The following CRYBG1 variants were observed in gnomAD, a reference collection of about 807,000 sequenced individuals.
The protein encoded by CRYBG1 is crystallin beta-gamma domain containing 1.
In CRYBG1, 139 loss-of-function variants were observed where a neutral mutation model predicts 189.2. The observed-to-expected ratio is 0.73, with a 90% CI of 0.64 to 0.85. CRYBG1 has a LOEUF of 0.85. CRYBG1 is among the 40% of genes least tolerant of loss of function. The probability of loss-of-function intolerance (pLI) is 0.00; values close to 1 mark genes in which losing one functional copy is unlikely to be tolerated. For missense variants in CRYBG1, 2,611 were observed against 2,675.8 expected (o/e 0.98, Z 0.53); for synonymous variants, 1,023 against 1,017.1 (o/e 1.01, Z -0.11).
chr6:106,561,562 A>T, intron 20 of CRYBG1, 62 bp downstream of exon 20: 1 of 1,536,438 alleles, frequency 6.5e-7, no homozygotes, highest in Non-Finnish European at 8.8e-7. Flanking sequence ...TCATCCTTTC[A>T]TATGCTTTTG....
chr6:106,457,538 A>G (rs1045856828), intron 2 of CRYBG1, among the ~76,000 whole-genome samples: 16 of 152,330 alleles, frequency 1.1e-4, no homozygotes, highest in Admixed American at 4.6e-4. Flanking sequence ...GAACTTCTCC[A>G]TAGTGACTTA....
At chr6:106,533,375 T>C (rs1320580508) in intron 8 of CRYBG1, among the ~76,000 whole-genome samples, 1 of 152,240 alleles carries the variant, frequency 6.6e-6, no homozygotes, top group Non-Finnish European at 1.5e-5. Flanking sequence ...ATCTGGCCTT[T>C]CACGCCTTGG....
chr6:106,553,780 T>C (rs1260230120), intron 16 of CRYBG1, among the ~76,000 whole-genome samples: 1 of 152,178 alleles, frequency 6.6e-6, no homozygotes, highest in Non-Finnish European at 1.5e-5. Flanking sequence ...CATTGTGTAA[T>C]GGAATTCAGA....
At chr6:106,536,602 A>C (rs1408696747) in intron 8 of CRYBG1, among the ~76,000 whole-genome samples, 2 of 152,212 alleles carry the variant, frequency 1.3e-5, no homozygotes, top group Non-Finnish European at 2.9e-5. Context: ...GTGTGACTCA[A>C]AGGGTATTTC....
chr6:106,530,034 G>A (rs1410395990), intron 7 of CRYBG1, 142 bp from the exon 8 acceptor site: 2 of 693,502 alleles, frequency 2.9e-6, no homozygotes, highest in African/African-American at 1.8e-5. Flanking sequence ...ACAGGAAAGG[G>A]CTAAAATGGC....
In CRYBG1 at chr6:106,563,040, T is replaced by A. The variant is rs139374706; in HGVS notation, c.6139-724T>A. The stretch of plus-strand genomic sequence containing the variant: ...AGATAGGGTCTCACAAGTGATCCTC[T>A]CACCTTGGCCTCCCAAAGAGTTGGG... On this transcript the variant is annotated intron_variant, in intron 20 of 21. Transcript: ENST00000633556. Among the ~76,000 whole-genome samples, 492 of 151,622 alleles carry A rather than the reference T, an allele frequency of 3.2e-3. 2 individuals carry two copies. The highest frequency in any genetic ancestry group is 0.01 in the Middle Eastern group (3 of 290).
chr6:106,494,091 C>A (rs1772786530), intron 2 of CRYBG1, among the ~76,000 whole-genome samples: 1 of 152,006 alleles, frequency 6.6e-6, no homozygotes, highest in Non-Finnish European at 1.5e-5. Context: ...ACATAGATAA[C>A]CTTGAAAACA....
chr6:106,403,090 T>TG (rs1203687643), intron 1 of CRYBG1, among the ~76,000 whole-genome samples: 3 of 152,122 alleles, frequency 2.0e-5, no homozygotes, highest in Admixed American at 2.0e-4. Flanking sequence ...AATCACGCCT[T>TG]GGGAGGCTAA....
At position 106,568,748 on chromosome 6, in the gene CRYBG1, T is replaced by C. The variant is rs552649603; in HGVS notation, c.*182T>C. ...TACTCATCGTTTCAAAAGACTATCA[T>C]AGCTTTAAACCAATAATTTGTCCTC... On this transcript the variant is annotated 3_prime_UTR_variant, in exon 22 of 22. Coordinates refer to ENST00000633556, the MANE Select transcript of CRYBG1 (RefSeq NM_001371242.2). The C allele has an allele frequency of 8.5e-5, 45 of 530,808 alleles. No homozygotes were observed. The East Asian group carries it at 1.2e-3, about 15-fold the overall frequency. 32.9% of individuals were successfully genotyped at this position (530,808 alleles called of 1,614,324 possible).
intron 2 of CRYBG1, among the ~76,000 whole-genome samples, chr6:106,500,858 T>C (rs1158872912): frequency 6.6e-6 from 1 of 152,232 alleles, no homozygotes; most frequent in African/African-American, 2.4e-5. Flanking sequence ...TGGGGAGTCA[T>C]TTGAGAAAGA....
chr6:106,369,149 A>G (rs943316084), intron 1 of CRYBG1, among the ~76,000 whole-genome samples: 1 of 152,220 alleles, frequency 6.6e-6, no homozygotes, highest in Non-Finnish European at 1.5e-5. Flanking sequence ...AGGCCCAAGG[A>G]CATACAAATG....
intron 3 of CRYBG1, 128 bp from the exon 4 acceptor site, chr6:106,519,003 A>ACACACACG: frequency 2.0e-6 from 2 of 990,116 alleles, no homozygotes; most frequent in South Asian, 3.3e-5. Context: ...ACACACACAC[A>ACACACACG]CACACCACAC....
At position 106,423,250 on chromosome 6, in the gene CRYBG1, GGTTTTT is replaced by G. The variant is rs1336370128; in HGVS notation, c.174-28443_174-28438del. On this transcript the variant is annotated intron_variant, in intron 1 of 21. Coordinates refer to ENST00000633556, the MANE Select transcript of CRYBG1 (RefSeq NM_001371242.2). ...ATCAAAGTAAGTGCTAGAGTTGGCT[GGTTTTT>G]TTTTTTTTTTTTTTTTTTCGCTATC... is the stretch of plus-strand genomic sequence containing the variant. Among the ~76,000 whole-genome samples the G allele has an allele frequency of 2.3e-3, 230 of 101,716 alleles. 3 individuals are homozygous for G. In the South Asian group the frequency reaches 0.024, roughly 11 times the overall value. The allele number at this position is 101,716 out of a possible 152,430, so 66.7% of individuals were successfully genotyped here.
intron 1 of CRYBG1, among the ~76,000 whole-genome samples, chr6:106,384,522 G>T (rs1770348296): frequency 6.6e-6 from 1 of 152,050 alleles, no homozygotes; most frequent in Non-Finnish European, 1.5e-5. Flanking sequence ...GGGAGAGAGT[G>T]ACACTCGAAT....
At chr6:106,371,399 G>C (rs1265562387) in intron 1 of CRYBG1, among the ~76,000 whole-genome samples, 4 of 152,194 alleles carry the variant, frequency 2.6e-5, no homozygotes, top group African/African-American at 9.7e-5. Flanking sequence ...GGGCAGAGGA[G>C]GCTCACCCAG....
intron 21 of CRYBG1, among the ~76,000 whole-genome samples, chr6:106,565,979 G>A (rs1015085691): frequency 1.3e-5 from 2 of 152,164 alleles, no homozygotes; most frequent in African/African-American, 4.8e-5. Context: ...AGAAAGTAGG[G>A]TATGTAGTTC....
At chr6:106,515,410 G>A (rs1328365691) in intron 3 of CRYBG1, among the ~76,000 whole-genome samples, 1 of 152,184 alleles carries the variant, frequency 6.6e-6, no homozygotes, top group Non-Finnish European at 1.5e-5. Flanking sequence ...GTGCAGATAC[G>A]TGTTTCCTGT....
intron 1 of CRYBG1, among the ~76,000 whole-genome samples, chr6:106,397,428 A>G (rs1159589419): frequency 6.6e-6 from 1 of 152,228 alleles, no homozygotes; most frequent in Non-Finnish European, 1.5e-5. Flanking sequence ...ATAGACTCAA[A>G]GAGAACTTGG....
chr6:106,515,778 T>A (rs1192928948), intron 3 of CRYBG1, among the ~76,000 whole-genome samples: 1 of 142,548 alleles, frequency 7.0e-6, no homozygotes, highest in African/African-American at 2.9e-5. Context: ...TATTTATTTA[T>A]TTATTTATTT....
Sources: allele counts gnomAD v4.1 joint callset (sites outside exome capture counted in the v4.1 genomes callset), GRCh38; gene constraint gnomAD v4.1.1; transcripts MANE v1.5; gene names NCBI Gene and HGNC (gene_info 2026-07-23, HGNC 2026-07-21).